METTL15: variants seen among roughly 807,000 people sequenced by gnomAD.
The protein encoded by METTL15 is 12S rRNA N(4)-cytidine methyltransferase METTL15.
METTL15 carries 34 observed loss-of-function variants against 38.3 expected under a neutral mutation model. The ratio of observed to expected loss-of-function variants is 0.89; its 90% CI spans 0.68 to 1.18. METTL15 has a LOEUF of 1.18. Among genes scored for constraint, METTL15 ranks in the 50% most tolerant of loss-of-function variants. The pLI, the probability that METTL15 is intolerant of heterozygous loss-of-function variation, is 0.00. For missense variants in METTL15, 438 were observed against 498.4 expected (o/e 0.88, Z 1.15); for synonymous variants, 162 against 170.9 (o/e 0.95, Z 0.41).
chr11:28,428,522 A>G (rs1017474675), intron 6 of METTL15, among the ~76,000 whole-genome samples: 2 of 152,200 alleles, frequency 1.3e-5, no homozygotes, highest in Non-Finnish European at 2.9e-5. Flanking sequence ...TGTCTTCTAC[A>G]TGCAGAGCTC....
chr11:28,120,214 AGTGCT>A (rs1485522412), intron 3 of METTL15, among the ~76,000 whole-genome samples: 1 of 149,830 alleles, frequency 6.7e-6, no homozygotes, highest in Non-Finnish European at 1.5e-5. Context: ...AGCCTCCCAA[AGTGCT>A]GGGATTACAG....
At chr11:28,433,089 A>T (rs1362262604) in intron 6 of METTL15, among the ~76,000 whole-genome samples, 2 of 151,626 alleles carry the variant, frequency 1.3e-5, no homozygotes, top group Non-Finnish European at 2.9e-5. Context: ...AGGAACTGTC[A>T]TTCTATTAAT....
intron 4 of METTL15, among the ~76,000 whole-genome samples, chr11:28,221,084 T>C (rs1000464341): frequency 5.9e-5 from 9 of 152,158 alleles, no homozygotes; most frequent in African/African-American, 2.2e-4. Flanking sequence ...GTTCTCTGTG[T>C]TTCCTGCATT....
intron 5 of METTL15, among the ~76,000 whole-genome samples, chr11:28,422,572 G>C (rs892338250): frequency 6.6e-6 from 1 of 151,870 alleles, no homozygotes; most frequent in Non-Finnish European, 1.5e-5. Context: ...TTTCCACAAA[G>C]GTGCCAAGAA....
intron 6 of METTL15, among the ~76,000 whole-genome samples, chr11:28,487,860 G>A (rs1258337781): frequency 1.3e-5 from 2 of 152,084 alleles, no homozygotes; most frequent in African/African-American, 2.4e-5. Context: ...TCTATAGTTT[G>A]GAAGTAAGAA....
intron 6 of METTL15, among the ~76,000 whole-genome samples, chr11:28,487,639 A>T (rs55756677): frequency 5.3e-5 from 8 of 152,072 alleles, no homozygotes; most frequent in East Asian, 1.9e-4. Context: ...ACTTTTTAAA[A>T]TTTTTTATTT....
intron 3 of METTL15, among the ~76,000 whole-genome samples, chr11:28,117,235 A>ATGTGTGTGTG (rs375202595): frequency 8.5e-5 from 10 of 117,086 alleles, no homozygotes; most frequent in East Asian, 5.6e-4. Context: ...CTATATATGT[A>ATGTGTGTGTG]TGTGTGTGTG....
intron 5 of METTL15, among the ~76,000 whole-genome samples, chr11:28,373,430 T>C (rs1410128852): frequency 6.6e-6 from 1 of 152,086 alleles, no homozygotes; most frequent in African/African-American, 2.4e-5. Context: ...TTTTGAGAAG[T>C]GTCTGTTCAT....
At chr11:28,274,671 G>A (rs1565216908) in intron 4 of METTL15, among the ~76,000 whole-genome samples, 2 of 151,932 alleles carry the variant, frequency 1.3e-5, no homozygotes, top group South Asian at 4.1e-4. Context: ...TATTTGAATA[G>A]CACTGCTGAC....
chr11:28,196,508 T>C (rs1851914171), intron 3 of METTL15, among the ~76,000 whole-genome samples: 1 of 151,998 alleles, frequency 6.6e-6, no homozygotes, highest in African/African-American at 2.4e-5. Flanking sequence ...CTCAGCTTAT[T>C]GATGTACAGC....
In METTL15 at chr11:28,234,167, G is replaced by T. The variant is rs896315443; in HGVS notation, c.407+22969G>T. 1.7e-4 allele frequency among the ~76,000 whole-genome samples: 26 copies of T among 152,264 alleles called. No homozygotes were observed. In the East Asian group the frequency reaches 5.0e-3, roughly 29 times the overall value. ...TTTAATGGCAGCGTAGTATTCCATG[G>T]TGTATATGTGCCACATTTTCTTAAT... On this transcript the variant is annotated intron_variant, in intron 4 of 6. Transcript: ENST00000407364.
In METTL15 at chr11:28,163,016, A is replaced by G. The variant is rs533027024; in HGVS notation, c.271-48046A>G. On this transcript the variant is annotated intron_variant, in intron 3 of 6. Transcript: ENST00000407364. ...TTTAAGAAATTCTGTGTTATTCTCA[A>G]GGGAAATCTATCAGAAATAAGCAAT... is the stretch of plus-strand genomic sequence containing the variant. Among the ~76,000 whole-genome samples the G allele has an allele frequency of 1.2e-3, 177 of 152,212 alleles. 2 individuals carry two copies. Among genetic ancestry groups the G allele is most frequent in the Non-Finnish European group, 2.1e-3 (140 of 67,996 alleles).
intron 3 of METTL15, among the ~76,000 whole-genome samples, chr11:28,190,891 A>G (rs1418720059): frequency 6.6e-6 from 1 of 151,334 alleles, no homozygotes; most frequent in African/African-American, 2.4e-5. Flanking sequence ...TTTAGTTATA[A>G]CTTGTTCAAC....
chr11:28,386,074 A>G (rs575030982), intron 5 of METTL15, among the ~76,000 whole-genome samples: 1 of 152,200 alleles, frequency 6.6e-6, no homozygotes, highest in South Asian at 2.1e-4. Flanking sequence ...GTTTTATGTA[A>G]TCTCCATGGT....
At chr11:28,218,543 C>G (rs577288533) in intron 4 of METTL15, among the ~76,000 whole-genome samples, 2 of 152,174 alleles carry the variant, frequency 1.3e-5, no homozygotes, top group Admixed American at 1.3e-4. Context: ...AATTGAATAC[C>G]CTTTATTTCC....
chr11:28,161,107 C>CTTTTTTTTTTT (rs10660185), intron 3 of METTL15, among the ~76,000 whole-genome samples: 8 of 131,894 alleles, frequency 6.1e-5, no homozygotes, highest in Non-Finnish European at 1.1e-4. Flanking sequence ...TTGCACCTTC[C>CTTTTTTTTTTT]TTTTTTTTTT....
chr11:28,434,720 T>C (rs1055586200), intron 6 of METTL15, among the ~76,000 whole-genome samples: 2 of 152,244 alleles, frequency 1.3e-5, no homozygotes, highest in Non-Finnish European at 1.5e-5. Context: ...GTCTACTGTC[T>C]GGCTGAAAGA....
chr11:28,111,525 T>C (rs1416569767), intron 2 of METTL15, among the ~76,000 whole-genome samples: 2 of 152,220 alleles, frequency 1.3e-5, no homozygotes, highest in Non-Finnish European at 1.5e-5. Flanking sequence ...ATTACAGATA[T>C]ATAGTCAATT....
intron 3 of METTL15, among the ~76,000 whole-genome samples, chr11:28,139,578 C>T (rs999072821): frequency 6.6e-6 from 1 of 152,030 alleles, no homozygotes; most frequent in Non-Finnish European, 1.5e-5. Context: ...TTCCCTAGAC[C>T]TTGTCTGTGC....
Sources: allele counts gnomAD v4.1 joint callset (sites outside exome capture counted in the v4.1 genomes callset), GRCh38; gene constraint gnomAD v4.1.1; transcripts MANE v1.5; gene names NCBI Gene and HGNC (gene_info 2026-07-23, HGNC 2026-07-21).